Variants in TLN2 observed in about 807,000 individuals in gnomAD.
TLN2 encodes talin-2.
Under a neutral mutation model 294.7 loss-of-function variants are expected in TLN2, and 118 were observed. The ratio of observed to expected loss-of-function variants is 0.40; its 90% CI spans 0.34 to 0.47. The LOEUF is 0.47. TLN2 is among the 20% of genes least tolerant of loss of function. The probability of loss-of-function intolerance (pLI) is 0.84; values close to 1 mark genes in which losing one functional copy is unlikely to be tolerated. For synonymous variants in TLN2, 1,431 were observed against 1,304.5 expected (o/e 1.10, Z -2.09); for missense variants, 3,083 against 3,282.2 (o/e 0.94, Z 1.48).
intron 21 of TLN2, among the ~76,000 whole-genome samples, chr15:62,710,215 T>C (rs8027346): frequency 0.86 from 131,379 of 152,236 alleles, 58,508 homozygotes; most frequent in Non-Finnish European, 0.97. Context: ...ATAGTTTACT[T>C]TTCCTACGTA....
intron 1 of TLN2, among the ~76,000 whole-genome samples, chr15:62,440,055 G>T (rs1318427416): frequency 1.3e-5 from 2 of 152,096 alleles, no homozygotes. Flanking sequence ...ACTTGGTTTA[G>T]GCACGTTTGT....
intron 1 of TLN2, among the ~76,000 whole-genome samples, chr15:62,508,071 T>A (rs1366906475): frequency 2.0e-5 from 3 of 152,178 alleles, no homozygotes; most frequent in Admixed American, 2.0e-4. Context: ...TTTTCTACAG[T>A]AGCTCTCTGA....
Position 62,841,166 on chromosome 15 carries a change from C to T in TLN2, c.*556C>T, listed in dbSNP as rs143291156. 2,091 of 152,892 alleles carry T rather than the reference C, an allele frequency of 0.014. 20 individuals carry two copies. Among genetic ancestry groups the T allele is most frequent in the Non-Finnish European group, 0.019 (1,310 of 68,160 alleles). The allele number at this position is 152,892 out of a possible 1,614,324, so 9.5% of individuals were successfully genotyped here. A position where few individuals can be genotyped will look rare whatever the true frequency, so the allele number is the denominator to read the frequency against. ...TCACCCAGGGGGTGAAAAATTCCCG[C>T]CCCTGTTTGCACGCTTTCTTGCCTC... On this transcript the variant is annotated 3_prime_UTR_variant, in exon 59 of 59. Transcript: ENST00000636159.
intron 8 of TLN2, 114 bp from the exon 9 acceptor site, chr15:62,657,657 G>C: frequency 6.9e-7 from 1 of 1,451,482 alleles, no homozygotes; most frequent in Non-Finnish European, 9.1e-7. Flanking sequence ...CCGTGGGTTG[G>C]CTGGCACTGT....
At chr15:62,429,352 T>G (rs2034890411) in intron 1 of TLN2, among the ~76,000 whole-genome samples, 1 of 152,178 alleles carries the variant, frequency 6.6e-6, no homozygotes, top group Non-Finnish European at 1.5e-5. Flanking sequence ...CCTTTCCCTT[T>G]AGGTGCTTCG....
intron 26 of TLN2, among the ~76,000 whole-genome samples, chr15:62,723,401 C>T (rs1006259562): frequency 2.0e-5 from 3 of 152,180 alleles, no homozygotes; most frequent in Admixed American, 2.0e-4. Context: ...AGAGCCTGAA[C>T]ATCTGCATTT....
intron 32 of TLN2, among the ~76,000 whole-genome samples, chr15:62,746,358 A>G (rs2061609715): frequency 6.6e-6 from 1 of 152,178 alleles, no homozygotes; most frequent in South Asian, 2.1e-4. Context: ...CACCCTCCGC[A>G]ATCCTTGGAA....
chr15:62,727,781 A>C (rs1484331397), intron 28 of TLN2, among the ~76,000 whole-genome samples: 1 of 152,238 alleles, frequency 6.6e-6, no homozygotes, highest in Non-Finnish European at 1.5e-5. Context: ...TTGTGGTAGG[A>C]AGTCTATACA....
intron 1 of TLN2, among the ~76,000 whole-genome samples, chr15:62,396,060 T>C (rs549631402): frequency 2.3e-5 from 3 of 132,798 alleles, no homozygotes; most frequent in African/African-American, 8.6e-5. Context: ...GTCTCGAACT[T>C]CTGACCCAAG....
intron 54 of TLN2, chr15:62,824,025 T>A (rs2067815641): frequency 1.9e-6 from 1 of 528,438 alleles, no homozygotes; most frequent in African/African-American, 1.9e-5. Flanking sequence ...TCAAACATAT[T>A]CCTACAGTGT....
chr15:62,715,141 G>C (rs970063041), intron 22 of TLN2, among the ~76,000 whole-genome samples: 1 of 152,184 alleles, frequency 6.6e-6, no homozygotes, highest in Non-Finnish European at 1.5e-5. Context: ...TATTCAAGAG[G>C]GTTGCCAAAA....
rs536256734 is a variant in TLN2 at position 62,529,172 on chromosome 15, C to T, written c.-237-60515C>T. On this transcript the variant is annotated intron_variant, in intron 1 of 58. Transcript: ENST00000636159. Reference sequence around the variant, plus strand: ...GTGGTGGCATGATCATGACTCCCTGCAGCCTCGACTTCCTGGGCTCAGTTG... The same window carrying T: ...GTGGTGGCATGATCATGACTCCCTGTAGCCTCGACTTCCTGGGCTCAGTTG... Among the ~76,000 whole-genome samples, 5 of 152,034 alleles carry T rather than the reference C, an allele frequency of 3.3e-5. No homozygotes were observed. The South Asian group carries it at 8.3e-4, about 25-fold the overall frequency.
At chr15:62,438,155 A>G (rs2035383080) in intron 1 of TLN2, among the ~76,000 whole-genome samples, 3 of 152,244 alleles carry the variant, frequency 2.0e-5, no homozygotes, top group African/African-American at 7.2e-5. Flanking sequence ...TGTCTGGCAA[A>G]GAGCCATCAG....
chr15:62,595,659 A>G lies in TLN2; in HGVS notation c.-162+5897A>G, dbSNP rs145953327. ...ACAGTAGCTGGGATATGGAATCAAC[A>G]TAAGTGTCCATCATTGGATGAATAG... On this transcript the variant is annotated intron_variant, in intron 2 of 58. Transcript: ENST00000636159. Among the ~76,000 whole-genome samples the G allele has an allele frequency of 7.4e-3, 1,129 of 152,342 alleles. 15 individuals are homozygous for G. Among genetic ancestry groups the G allele is most frequent in the African/African-American group, 0.025 (1,051 of 41,588 alleles).
intron 39 of TLN2, 62 bp from the exon 40 acceptor site, chr15:62,763,501 G>A: frequency 1.3e-6 from 2 of 1,544,652 alleles, no homozygotes; most frequent in Non-Finnish European, 1.8e-6. Context: ...CACCAGTGCT[G>A]GAGCAGGCTG....
chr15:62,794,970 C>A (rs892849571), intron 46 of TLN2, among the ~76,000 whole-genome samples: 2 of 152,184 alleles, frequency 1.3e-5, no homozygotes, highest in African/African-American at 2.4e-5. Flanking sequence ...TACAAAGACT[C>A]AAAGAGCCTC....
intron 11 of TLN2, among the ~76,000 whole-genome samples, chr15:62,682,173 T>C (rs949981170): frequency 2.6e-5 from 4 of 152,220 alleles, no homozygotes; most frequent in Admixed American, 2.6e-4. Flanking sequence ...ACTTTGCCCC[T>C]GTAGTATGAA....
chr15:62,758,379 G>A (rs966293907), intron 37 of TLN2, among the ~76,000 whole-genome samples: 4 of 152,200 alleles, frequency 2.6e-5, no homozygotes, highest in African/African-American at 9.7e-5. Flanking sequence ...CTGTCTCTCC[G>A]AGTCACCACA....
At chr15:62,655,573 A>G in intron 7 of TLN2, among the ~76,000 whole-genome samples, 1 of 81,934 alleles carries the variant, frequency 1.2e-5, no homozygotes, top group Admixed American at 1.6e-4. Flanking sequence ...AGCATATTAT[A>G]CATTCATTGT....
Sources: allele counts gnomAD v4.1 joint callset (sites outside exome capture counted in the v4.1 genomes callset), GRCh38; gene constraint gnomAD v4.1.1; transcripts MANE v1.5; gene names NCBI Gene and HGNC (gene_info 2026-07-23, HGNC 2026-07-21).